The following RAB28 variants were observed in gnomAD, a reference collection of about 807,000 sequenced individuals.
The protein encoded by RAB28 is ras-related protein Rab-28.
A neutral mutation model predicts 31.7 loss-of-function variants in RAB28; 24 were observed. The observed-to-expected ratio is 0.76, with a 90% CI of 0.55 to 1.06. The LOEUF is 1.06. Ranked by LOEUF, RAB28 falls within the 50% of genes least tolerant of loss-of-function variation. RAB28 has a pLI of 0.00. For missense variants in RAB28, 254 were observed against 258.5 expected (o/e 0.98, Z 0.12); for synonymous variants, 100 against 90.4 (o/e 1.11, Z -0.60).
chr4:13,392,280 T>C (rs1729672751), intron 4 of RAB28, among the ~76,000 whole-genome samples: 1 of 152,168 alleles, frequency 6.6e-6, no homozygotes, highest in Admixed American at 6.5e-5. Flanking sequence ...AAGATTATGA[T>C]ATTAAATAGT....
At chr4:13,427,482 A>C (rs1466371764) in intron 4 of RAB28, among the ~76,000 whole-genome samples, 1 of 152,226 alleles carries the variant, frequency 6.6e-6, no homozygotes, top group Non-Finnish European at 1.5e-5. Context: ...AGGAGAAAAC[A>C]AGGAGAGTAT....
At chr4:13,473,456 C>G (rs1264193693) in intron 3 of RAB28, among the ~76,000 whole-genome samples, 1 of 151,916 alleles carries the variant, frequency 6.6e-6, no homozygotes, top group Admixed American at 6.6e-5. Context: ...TAATATTCGG[C>G]TATATACCAT....
chr4:13,478,738 T>G (rs181092824), intron 2 of RAB28, among the ~76,000 whole-genome samples: 1 of 151,850 alleles, frequency 6.6e-6, no homozygotes, highest in East Asian at 1.9e-4. Flanking sequence ...GGACAGCATT[T>G]TAAAGCCCCA....
At chr4:13,409,244 T>G (rs577969531) in intron 4 of RAB28, among the ~76,000 whole-genome samples, 1 of 152,280 alleles carries the variant, frequency 6.6e-6, no homozygotes, top group Admixed American at 6.5e-5. Context: ...AACAAGACAC[T>G]GAAATCAATT....
At chr4:13,377,793 C>G (rs1157234796) in intron 5 of RAB28, among the ~76,000 whole-genome samples, 2 of 152,042 alleles carry the variant, frequency 1.3e-5, no homozygotes, top group Admixed American at 6.6e-5. Flanking sequence ...TAGAAGTGGA[C>G]AAAGTAAGAA....
chr4:13,397,599 C>A (rs928290450), intron 4 of RAB28, among the ~76,000 whole-genome samples: 1 of 152,076 alleles, frequency 6.6e-6, no homozygotes. Flanking sequence ...AATCCAATTT[C>A]TTACATGATC....
intron 6 of RAB28, chr4:13,370,376 T>C: frequency 1.1e-6 from 1 of 916,150 alleles, no homozygotes; most frequent in Non-Finnish European, 1.3e-6. Context: ...TCCATTTCCA[T>C]TAACAAGCTT....
intron 3 of RAB28, among the ~76,000 whole-genome samples, chr4:13,465,788 C>CACACACACACACA (rs1327780266): frequency 1.3e-5 from 2 of 151,030 alleles, no homozygotes; most frequent in African/African-American, 4.9e-5. Flanking sequence ...CACACACACA[C>CACACACACACACA]AGCTGCAGGC....
At chr4:13,437,081 G>A (rs369076686) in intron 4 of RAB28, among the ~76,000 whole-genome samples, 6 of 152,154 alleles carry the variant, frequency 3.9e-5, no homozygotes, top group South Asian at 2.1e-4. Flanking sequence ...ACTAATCTTC[G>A]ACAAAGTTGA....
intron 4 of RAB28, among the ~76,000 whole-genome samples, chr4:13,383,597 T>C (rs1729228172): frequency 6.6e-6 from 1 of 152,150 alleles, no homozygotes; most frequent in South Asian, 2.1e-4. Context: ...GGTGGCTGTG[T>C]CCTCATCCAA....
chr4:13,463,470 A>G (rs921598201), intron 3 of RAB28, among the ~76,000 whole-genome samples: 1 of 152,158 alleles, frequency 6.6e-6, no homozygotes, highest in African/African-American at 2.4e-5. Flanking sequence ...TTGTTTAAGT[A>G]TTATCAATGG....
At chr4:13,415,925 C>G (rs183647155) in intron 4 of RAB28, among the ~76,000 whole-genome samples, 40 of 152,284 alleles carry the variant, frequency 2.6e-4, no homozygotes, top group African/African-American at 8.4e-4. Flanking sequence ...GTATCTAGCT[C>G]AAGGTTTGTA....
intron 4 of RAB28, among the ~76,000 whole-genome samples, chr4:13,387,108 G>A (rs1729404425): frequency 6.6e-6 from 1 of 152,054 alleles, no homozygotes; most frequent in Non-Finnish European, 1.5e-5. Context: ...TGGAGGGTGG[G>A]AGGGGACAGA....
In RAB28 at chr4:13,453,311, T is replaced by C. The variant is rs367880392; in HGVS notation, c.391+7388A>G. Among the ~76,000 whole-genome samples, 117 of 152,284 alleles carry C rather than the reference T, an allele frequency of 7.7e-4. No individual in the cohort carries two copies. In the South Asian group the frequency reaches 0.013, roughly 18 times the overall value. ...GTGAAGACTTATACCTGTCATTTTA[T>C]TGACTGCTTTCTGGTTGTTCTGTAT... On this transcript the variant is annotated intron_variant, in intron 4 of 6. Transcript: ENST00000330852.
intron 4 of RAB28, among the ~76,000 whole-genome samples, chr4:13,406,366 G>GTA: frequency 6.6e-6 from 1 of 152,248 alleles, no homozygotes; most frequent in East Asian, 1.9e-4. Flanking sequence ...ATTCCATGGT[G>GTA]TATATATAAC....
chr4:13,416,831 A>T (rs544343724), intron 4 of RAB28, among the ~76,000 whole-genome samples: 83 of 152,350 alleles, frequency 5.4e-4, no homozygotes, highest in South Asian at 1.9e-3. Flanking sequence ...AACACAGAAG[A>T]TGGTGATTTC....
Position 13,460,962 on chromosome 4 carries a change from T to C in RAB28, c.262-134A>G, listed in dbSNP as rs1436547280. 3 of 796,216 alleles carry C rather than the reference T, an allele frequency of 3.8e-6. No individual in the cohort carries two copies. In the African/African-American group the frequency reaches 5.3e-5, roughly 14 times the overall value. 49.3% of individuals were successfully genotyped at this position (796,216 alleles called of 1,614,324 possible). On this transcript the variant is annotated intron_variant, in intron 3 of 6. Transcript: ENST00000330852. ...ATGTGTAGTGTTTTATATATAAACT[T>C]CCATTTAAATTGCTTACTAGCAGAT...
chr4:13,444,672 G>C (rs186989256), intron 4 of RAB28, among the ~76,000 whole-genome samples: 32 of 152,234 alleles, frequency 2.1e-4, no homozygotes, highest in Admixed American at 1.4e-3. Context: ...CTTACCTTTT[G>C]TCTTTTTGAT....
At chr4:13,410,420 T>C (rs1712369191) in intron 4 of RAB28, among the ~76,000 whole-genome samples, 1 of 152,094 alleles carries the variant, frequency 6.6e-6, no homozygotes, top group Non-Finnish European at 1.5e-5. Flanking sequence ...GCCGGTATGT[T>C]ACCAATACTC....
Sources: allele counts gnomAD v4.1 joint callset (sites outside exome capture counted in the v4.1 genomes callset), GRCh38; gene constraint gnomAD v4.1.1; transcripts MANE v1.5; gene names NCBI Gene and HGNC (gene_info 2026-07-23, HGNC 2026-07-21).